SLC2A13: variants seen among roughly 807,000 people sequenced by gnomAD.
SLC2A13 encodes solute carrier family 2 member 13, also known as proton myo-inositol cotransporter.
SLC2A13 carries 32 observed loss-of-function variants against 64.4 expected under a neutral mutation model. That is an observed-to-expected ratio of 0.50 (90% CI 0.37 to 0.67). SLC2A13 has a LOEUF of 0.67. Among genes scored for constraint, SLC2A13 ranks in the 30% least tolerant of loss-of-function variants. The pLI, the probability that SLC2A13 is intolerant of heterozygous loss-of-function variation, is 0.00. For missense variants in SLC2A13, 743 were observed against 829.2 expected (o/e 0.90, Z 1.28); for synonymous variants, 338 against 327.1 (o/e 1.03, Z -0.36).
chr12:39,785,129 TG>T (rs931752041), intron 7 of SLC2A13, among the ~76,000 whole-genome samples: 1 of 152,076 alleles, frequency 6.6e-6, no homozygotes, highest in African/African-American at 2.4e-5. Flanking sequence ...CCCAAGACCA[TG>T]GGGAAAATGT....
At position 39,853,577 on chromosome 12, in the gene SLC2A13, TCTTC is replaced by T. The variant is rs779299351; in HGVS notation, c.1319+11181_1319+11184del. 8.9e-4 allele frequency among the ~76,000 whole-genome samples: 135 copies of T among 151,874 alleles called. 2 individuals carry two copies. The East Asian group carries it at 0.017, about 19-fold the overall frequency. On this transcript the variant is annotated intron_variant, in intron 6 of 9. Transcript: ENST00000280871. Reference sequence around the variant, plus strand: ...TCTTTCTTTCTCTTTTTCCTTCCTTTCTTCCTTCCTTCCTTCCTTTTCTTTCTTT... The same window carrying T: ...TCTTTCTTTCTCTTTTTCCTTCCTTTCTTCCTTCCTTCCTTTTCTTTCTTT...
chr12:39,836,050 C>T (rs762439012), intron 6 of SLC2A13, among the ~76,000 whole-genome samples: 46 of 152,204 alleles, frequency 3.0e-4, no homozygotes, highest in Middle Eastern at 3.4e-3. Flanking sequence ...GGGCCAGTTT[C>T]GTTGAGGCCC....
Position 39,931,472 on chromosome 12 carries a change from T to G in SLC2A13, c.1034+19785A>C, listed in dbSNP as rs566070387. Reference sequence around the variant, plus strand: ...TGCACCCAGAGACACGTGGGCCTCCTGAGTATCTGTGTTCCTTTATTCTAC... The same window carrying G: ...TGCACCCAGAGACACGTGGGCCTCCGGAGTATCTGTGTTCCTTTATTCTAC... On this transcript the variant is annotated intron_variant, in intron 4 of 9. Transcript: ENST00000280871. 2.0e-5 allele frequency among the ~76,000 whole-genome samples: 3 copies of G among 152,310 alleles called. No individual in the cohort carries two copies. The South Asian group carries it at 6.2e-4, about 32-fold the overall frequency.
chr12:40,019,151 A>G (rs996022150), intron 3 of SLC2A13, among the ~76,000 whole-genome samples: 10 of 152,188 alleles, frequency 6.6e-5, no homozygotes, highest in African/African-American at 2.4e-4. Flanking sequence ...TCACCCAGGC[A>G]ATGGCAGCAA....
chr12:39,941,686 G>A (rs1210239641), intron 4 of SLC2A13, among the ~76,000 whole-genome samples: 1 of 152,098 alleles, frequency 6.6e-6, no homozygotes, highest in Non-Finnish European at 1.5e-5. Context: ...CAGATGTATA[G>A]ATTGTGAAGA....
At chr12:39,930,149 A>G (rs1298988781) in intron 4 of SLC2A13, among the ~76,000 whole-genome samples, 2 of 151,814 alleles carry the variant, frequency 1.3e-5, no homozygotes, top group African/African-American at 2.4e-5. Context: ...AAAAAAACCA[A>G]AAAACGAAAA....
intron 3 of SLC2A13, among the ~76,000 whole-genome samples, chr12:40,012,214 T>C (rs1173988740): frequency 1.3e-5 from 2 of 152,260 alleles, no homozygotes; most frequent in African/African-American, 2.4e-5. Context: ...CTAAATTAGA[T>C]TGACAGTTCC....
At chr12:39,939,097 C>T (rs1403029368) in intron 4 of SLC2A13, among the ~76,000 whole-genome samples, 1 of 152,170 alleles carries the variant, frequency 6.6e-6, no homozygotes, top group African/African-American at 2.4e-5. Flanking sequence ...CTCAGCAGGA[C>T]TGTGCTCCAG....
Position 40,105,764 on chromosome 12 carries a change from G to A in SLC2A13, c.45C>T (p.Ser15=), listed in dbSNP as rs1285097801. 2 of 1,490,366 alleles carry A rather than the reference G, an allele frequency of 1.3e-6. No individual in the cohort carries two copies. Among genetic ancestry groups the A allele is most frequent in the South Asian group, 2.6e-5 (2 of 78,352 alleles). The allele number at this position is 1,490,366 out of a possible 1,614,324, so 92.3% of individuals were successfully genotyped here. A position where few individuals can be genotyped will look rare whatever the true frequency, so the allele number is the denominator to read the frequency against. Residue 15 remains serine (S), a synonymous_variant, in exon 1 of 10, where the codon AGC becomes AGT. Coordinates refer to ENST00000280871, the MANE Select transcript of SLC2A13 (RefSeq NM_052885.4). This position sits in a 1 kb window ranked among gnomAD's most constrained non-coding sequence, Gnocchi z 4.2. The part of the protein sequence containing the change: ...ASENVEYTLR[S]LSSLMGERRR... Reference sequence around the variant, plus strand: ...GCCGCTCGCCCATCAGGCTGCTCAGGCTCCGCAGCGTGTACTCCACATTCT... The same window carrying A: ...GCCGCTCGCCCATCAGGCTGCTCAGACTCCGCAGCGTGTACTCCACATTCT...
Position 39,780,535 on chromosome 12 carries a change from G to A in SLC2A13, c.1446-15677C>T, listed in dbSNP as rs116675769. Among the ~76,000 whole-genome samples, 752 of 152,278 alleles carry A rather than the reference G, an allele frequency of 4.9e-3. 7 individuals are homozygous for A. The highest frequency in any genetic ancestry group is 0.017 in the African/African-American group (712 of 41,556). ...ATAAGCAGCATCTTGGCAGGTCTGCGCCTCTGTGTCCTGTATATTCTCTTT... is the reference window on the plus strand; with the variant it reads ...ATAAGCAGCATCTTGGCAGGTCTGCACCTCTGTGTCCTGTATATTCTCTTT... On this transcript the variant is annotated intron_variant, in intron 7 of 9. Transcript: ENST00000280871.
chr12:39,990,901 T>A (rs1947125899), intron 3 of SLC2A13, among the ~76,000 whole-genome samples: 1 of 152,292 alleles, frequency 6.6e-6, no homozygotes, highest in Non-Finnish European at 1.5e-5. Context: ...TTCTCAAACC[T>A]AGGCTTCAAG....
chr12:39,838,501 TAAATTAA>T (rs1472255785), intron 6 of SLC2A13, among the ~76,000 whole-genome samples: 6 of 84,082 alleles, frequency 7.1e-5, no homozygotes, highest in East Asian at 4.1e-4. Context: ...TAAAAAAAAA[TAAATTAA>T]AAAAAAAAAA....
rs111611727 is a variant in SLC2A13, at chr12:39,785,000, A to T, written c.1446-20142T>A. On this transcript the variant is annotated intron_variant, in intron 7 of 9. Transcript: ENST00000280871. Reference sequence around the variant, plus strand: ...CTCTGTTTTAAAAGGGAAACAGAACATAAAAGTTAGAAAATTTGCAGCCTT... The same window carrying T: ...CTCTGTTTTAAAAGGGAAACAGAACTTAAAAGTTAGAAAATTTGCAGCCTT... Among the ~76,000 whole-genome samples, 714 of 152,338 alleles carry T rather than the reference A, an allele frequency of 4.7e-3. 4 individuals are homozygous for T. The highest frequency in any genetic ancestry group is 0.016 in the African/African-American group (651 of 41,578).
intron 3 of SLC2A13, among the ~76,000 whole-genome samples, chr12:39,967,041 T>C (rs1946531205): frequency 6.6e-6 from 1 of 152,166 alleles, no homozygotes; most frequent in African/African-American, 2.4e-5. Context: ...TCAGTGGCAA[T>C]CTGTGAAGGG....
At position 40,058,042 on chromosome 12, in the gene SLC2A13, C is replaced by CAGATAGATAGAT. The variant is rs10534370; in HGVS notation, c.557-9844_557-9833dup. On this transcript the variant is annotated intron_variant, in intron 1 of 9. Coordinates refer to ENST00000280871, the MANE Select transcript of SLC2A13 (RefSeq NM_052885.4). ...CTGCTTACACTTGAAAATTTCTCTC[C>CAGATAGATAGAT]AGATAGATAGATAGATAGATAGATA... 2.1e-3 allele frequency among the ~76,000 whole-genome samples: 298 copies of CAGATAGATAGAT among 145,252 alleles called. 1 individual carries two copies. The highest frequency in any genetic ancestry group is 2.7e-3 in the African/African-American group (106 of 39,484).
chr12:39,925,650 A>T (rs974145065), intron 4 of SLC2A13, among the ~76,000 whole-genome samples: 2 of 152,156 alleles, frequency 1.3e-5, no homozygotes, highest in African/African-American at 4.8e-5. Flanking sequence ...TTAATGGCTA[A>T]ATCTTTTTCA....
At chr12:39,870,939 C>T (rs1037208151) in intron 5 of SLC2A13, among the ~76,000 whole-genome samples, 4 of 152,134 alleles carry the variant, frequency 2.6e-5, no homozygotes, top group Non-Finnish European at 5.9e-5. Flanking sequence ...GTTTTCGATA[C>T]AATTTGGTTA....
intron 2 of SLC2A13, among the ~76,000 whole-genome samples, chr12:40,046,404 T>A (rs749055300): frequency 1.3e-5 from 2 of 152,212 alleles, no homozygotes; most frequent in Non-Finnish European, 2.9e-5. Context: ...TTAATTGTTA[T>A]GCGTAAGTGA....
chr12:40,082,094 C>A (rs895007944), intron 1 of SLC2A13, among the ~76,000 whole-genome samples: 3 of 152,100 alleles, frequency 2.0e-5, no homozygotes, highest in African/African-American at 7.2e-5. Flanking sequence ...GGTAACACTC[C>A]AATGCAGTCT....
Sources: gnomAD v4.1 joint callset for allele counts (sites outside exome capture counted in the v4.1 genomes callset) on GRCh38, gnomAD v4.1.1 for gene constraint, Gnocchi (gnomAD v3.1) non-coding constraint, MANE v1.5 for transcripts, NCBI Gene and HGNC (gene_info 2026-07-23, HGNC 2026-07-21) for gene names.